The following SLC25A30 variants were observed in gnomAD, a reference collection of about 807,000 sequenced individuals.
SLC25A30 encodes the protein solute carrier family 25 member 30, also known as kidney mitochondrial carrier protein 1.
SLC25A30 carries 29 observed loss-of-function variants against 42.7 expected under a neutral mutation model. The ratio of observed to expected loss-of-function variants is 0.68; its 90% CI spans 0.51 to 0.93. SLC25A30 has a LOEUF of 0.93. Among genes scored for constraint, SLC25A30 ranks in the 40% least tolerant of loss-of-function variants. The pLI is 0.00. For synonymous variants in SLC25A30, 124 were observed against 131.0 expected (o/e 0.95, Z 0.37); for missense variants, 300 against 359.7 (o/e 0.83, Z 1.34).
chr13:45,399,109 A>G, intron 7 of SLC25A30, 31 bp from the exon 8 acceptor site: 2 of 1,552,970 alleles, frequency 1.3e-6, no homozygotes, highest in Non-Finnish European at 1.7e-6. Context: ...AAAAAAAAAA[A>G]AGTTAACCAT....
At chr13:45,428,405 C>T in the SLC25A30 span, among the ~76,000 whole-genome samples, 183 of 151,302 alleles carry the variant, frequency 1.2e-3, 1 homozygote, top group African/African-American at 4.1e-3. Flanking sequence ...GACGGGGTTT[C>T]ACCATACTGG....
upstream of SLC25A30, among the ~76,000 whole-genome samples, chr13:45,420,631 A>G (rs185210138): frequency 4.5e-3 from 683 of 152,258 alleles, 4 homozygotes; most frequent in African/African-American, 0.016. Context: ...TACTCAGATA[A>G]TACTTAGAAA....
At chr13:45,424,081 A>C in the SLC25A30 span, among the ~76,000 whole-genome samples, 1 of 104,604 alleles carries the variant, frequency 9.6e-6, no homozygotes, top group Non-Finnish European at 1.7e-5. Context: ...TTATATAAAT[A>C]TATATAAATC....
At chr13:45,401,372 A>G (rs1262925022) in intron 6 of SLC25A30, among the ~76,000 whole-genome samples, 165 bp from the exon 7 acceptor site, 1 of 152,154 alleles carries the variant, frequency 6.6e-6, no homozygotes, top group Non-Finnish European at 1.5e-5. Flanking sequence ...CAGAGCAAGA[A>G]CTCAAAAACT....
At position 45,393,932 on chromosome 13, in the gene SLC25A30, A is replaced by G; in HGVS notation, c.*2042T>C. The G allele has an allele frequency of 2.0e-6, 2 of 985,422 alleles. No individual in the cohort carries two copies. The highest frequency in any genetic ancestry group is 2.4e-6 in the Non-Finnish European group (2 of 829,908). 61.0% of individuals were successfully genotyped at this position (985,422 alleles called of 1,614,324 possible). Reference sequence around the variant, plus strand: ...CGCTCTTTACATGGTCATTAAAATGAATTTGCTTCTACTGTTTTAAAAATT... The same window carrying G: ...CGCTCTTTACATGGTCATTAAAATGGATTTGCTTCTACTGTTTTAAAAATT... On this transcript the variant is annotated 3_prime_UTR_variant, in exon 10 of 10. Coordinates refer to ENST00000519676, the MANE Select transcript of SLC25A30 (RefSeq NM_001010875.4).
chr13:45,399,781 G>T (rs1270597981), intron 7 of SLC25A30, among the ~76,000 whole-genome samples: 2 of 151,686 alleles, frequency 1.3e-5, no homozygotes, highest in Non-Finnish European at 2.9e-5. Flanking sequence ...AGATATCAAA[G>T]AAAAAGATCT....
chr13:45,402,662 T>C (rs1882112377), intron 5 of SLC25A30: 1 of 566,382 alleles, frequency 1.8e-6, no homozygotes, highest in Non-Finnish European at 2.1e-6. Flanking sequence ...AAAAAGTCTT[T>C]CTAGGATAGA....
the SLC25A30 span, among the ~76,000 whole-genome samples, chr13:45,428,524 T>C: frequency 1.1e-5 from 1 of 92,670 alleles, no homozygotes; most frequent in Non-Finnish European, 2.4e-5. Flanking sequence ...TAACTTTTTT[T>C]TTTTTTTTTT....
chr13:45,402,432 T>G, intron 5 of SLC25A30, 62 bp from the exon 6 acceptor site: 1 of 1,292,166 alleles, frequency 7.7e-7, no homozygotes, highest in Non-Finnish European at 1.1e-6. Flanking sequence ...CCACAACCAA[T>G]GTATACCTCT....
chr13:45,424,590 T>TATATATAA, the SLC25A30 span, among the ~76,000 whole-genome samples: 1 of 54,328 alleles, frequency 1.8e-5, no homozygotes, highest in African/African-American at 7.0e-5. Flanking sequence ...TATATATAAA[T>TATATATAA]ATATATAAAT....
In SLC25A30 at chr13:45,394,801, G is replaced by T. The variant is rs1881192619; in HGVS notation, c.*1173C>A. ...AAACTAGCTAAATAGATGCACTAAAGAAATCATTTTTAAAATTTCAAGCAG... is the reference window on the plus strand; with the variant it reads ...AAACTAGCTAAATAGATGCACTAAATAAATCATTTTTAAAATTTCAAGCAG... On this transcript the variant is annotated 3_prime_UTR_variant, in exon 10 of 10. Transcript: ENST00000519676. The T allele has an allele frequency of 2.0e-6, 2 of 985,128 alleles. No individual in the cohort carries two copies. Among genetic ancestry groups the T allele is most frequent in the African/African-American group, 1.7e-5 (1 of 57,206 alleles). The allele number at this position is 985,128 out of a possible 1,614,324, so 61.0% of individuals were successfully genotyped here. A position where few individuals can be genotyped will look rare whatever the true frequency, so the allele number is the denominator to read the frequency against.
intron 1 of SLC25A30, among the ~76,000 whole-genome samples, chr13:45,417,914 A>G (rs1346962275): frequency 6.6e-6 from 1 of 152,204 alleles, no homozygotes; most frequent in Non-Finnish European, 1.5e-5. Flanking sequence ...GTTTGAATGA[A>G]CGCACGAGTG....
chr13:45,425,302 A>G, the SLC25A30 span, among the ~76,000 whole-genome samples: 1 of 98,218 alleles, frequency 1.0e-5, no homozygotes, highest in Non-Finnish European at 1.8e-5. Context: ...ATATATACGT[A>G]TATATAAATA....
the SLC25A30 span, among the ~76,000 whole-genome samples, chr13:45,425,608 AC>A: frequency 0.025 from 1,591 of 64,080 alleles, 171 homozygotes; most frequent in African/African-American, 0.1. Flanking sequence ...ATATATATAT[AC>A]ATATATAAAT....
Position 45,394,825 on chromosome 13 carries a change from AG to A in SLC25A30, c.*1148del, listed in dbSNP as rs1881193974. On this transcript the variant is annotated 3_prime_UTR_variant, in exon 10 of 10. Transcript: ENST00000519676. Reference sequence around the variant, plus strand: ...AGAAATCATTTTTAAAATTTCAAGCAGGTATTTTCCATCCAAACTAAACAGA... The same window carrying A: ...AGAAATCATTTTTAAAATTTCAAGCAGTATTTTCCATCCAAACTAAACAGA... 1 of 985,454 alleles carries A rather than the reference AG, an allele frequency of 1.0e-6. No homozygotes were observed. Among genetic ancestry groups the A allele is most frequent in the African/African-American group, 1.7e-5 (1 of 57,380 alleles). The allele number at this position is 985,454 out of a possible 1,614,324, so 61.0% of individuals were successfully genotyped here. A position where few individuals can be genotyped will look rare whatever the true frequency, so the allele number is the denominator to read the frequency against.
intron 5 of SLC25A30, among the ~76,000 whole-genome samples, chr13:45,403,572 T>A (rs1882204014): frequency 6.6e-6 from 1 of 152,236 alleles, no homozygotes; most frequent in African/African-American, 2.4e-5. Flanking sequence ...CAATAAGGTC[T>A]CCTAATGTGT....
At chr13:45,410,911 A>G (rs530558570) in intron 2 of SLC25A30, among the ~76,000 whole-genome samples, 3 of 152,250 alleles carry the variant, frequency 2.0e-5, no homozygotes, top group Admixed American at 6.5e-5. Context: ...CAAAATGACT[A>G]TTTTGTCTTA....
At chr13:45,424,664 GAA>G in the SLC25A30 span, among the ~76,000 whole-genome samples, 3 of 50,740 alleles carry the variant, frequency 5.9e-5, no homozygotes, top group South Asian at 6.0e-4. Context: ...TAAATATATA[GAA>G]ATATATATAG....
chr13:45,423,562 T>C, the SLC25A30 span, among the ~76,000 whole-genome samples: 1 of 91,422 alleles, frequency 1.1e-5, no homozygotes, highest in Non-Finnish European at 2.1e-5. Flanking sequence ...ATAAAAAAAA[T>C]ATATAAATAT....
Sources: allele counts gnomAD v4.1 joint callset (sites outside exome capture counted in the v4.1 genomes callset), GRCh38; gene constraint gnomAD v4.1.1; transcripts MANE v1.5; gene names NCBI Gene and HGNC (gene_info 2026-07-23, HGNC 2026-07-21).